TAF1: variants seen among roughly 807,000 people sequenced by gnomAD.
The protein encoded by TAF1 is TATA-box binding protein associated factor 1.
In TAF1, 2 loss-of-function variants were observed where a neutral mutation model predicts 138.5. That is an observed-to-expected ratio of 0.01 (90% CI 0.01 to 0.05). The LOEUF (loss-of-function observed/expected upper bound fraction) is 0.05, where lower values mean the gene tolerates loss of function less well. Among genes scored for constraint, TAF1 ranks in the 10% least tolerant of loss-of-function variants. The pLI, the probability that TAF1 is intolerant of heterozygous loss-of-function variation, is 1.00. For synonymous variants in TAF1, 437 were observed against 503.2 expected (o/e 0.87, Z 1.76); for missense variants, 709 against 1,478.0 (o/e 0.48, Z 8.53).
chrX:71,376,842 A>G (rs983276499), intron 4 of TAF1, 108 bp from the exon 5 acceptor site: 5 of 1,082,467 alleles, frequency 4.6e-6, no homozygotes, highest in East Asian at 3.0e-5. Context: ...GCTTGGGCCT[A>G]TATCTCCTGG....
At chrX:71,394,837 G>A (rs1333528455) in intron 22 of TAF1, among the ~76,000 whole-genome samples, 1 of 111,013 alleles carries the variant, frequency 9.0e-6, no homozygotes, top group Non-Finnish European at 1.9e-5. Flanking sequence ...AGCCTCCTGA[G>A]TAGCTGGGAC....
chrX:71,419,103 G>A (rs761325890), intron 28 of TAF1, among the ~76,000 whole-genome samples: 85 of 111,633 alleles, frequency 7.6e-4, no homozygotes, highest in African/African-American at 2.5e-3. Context: ...GTATTAACCC[G>A]ATGTTATTAG....
chrX:71,367,742 C>A, intron 2 of TAF1, 129 bp downstream of exon 2: 2 of 773,275 alleles, frequency 2.6e-6, no homozygotes, highest in Non-Finnish European at 3.7e-6. Context: ...GCGATCTGGG[C>A]TGACTGCAGC....
At chrX:71,433,245 A>G (rs1602657448) in intron 32 of TAF1, among the ~76,000 whole-genome samples, 1 of 112,420 alleles carries the variant, frequency 8.9e-6, no homozygotes, top group South Asian at 3.6e-4. Context: ...GGTGCAAACT[A>G]TTGGCACAAA....
At chrX:71,483,780 CTATA>C (rs1556022684) in intron 13 of TAF1, among the ~76,000 whole-genome samples, 22 of 37,570 alleles carry the variant, frequency 5.9e-4, no homozygotes, top group Non-Finnish European at 6.5e-4. Context: ...CTCTCTCTCT[CTATA>C]TATATATATA....
At chrX:71,405,887 A>T (rs192936967) in intron 25 of TAF1, among the ~76,000 whole-genome samples, 29 of 111,076 alleles carry the variant, frequency 2.6e-4, no homozygotes, top group African/African-American at 9.5e-4. Context: ...AAGAAGAAAA[A>T]ATGTGATACC....
intron 6 of TAF1, 178 bp downstream of exon 6, chrX:71,377,999 A>C (rs777443393): frequency 2.4e-4 from 166 of 690,722 alleles, no homozygotes; most frequent in Non-Finnish European, 3.1e-4. Flanking sequence ...TTGTAAAAGA[A>C]AAATGTTTGG....
At chrX:71,467,520 GATA>G (rs1249738749), downstream of TAF1, among the ~76,000 whole-genome samples, 3 of 112,019 alleles carry the variant, frequency 2.7e-5, no homozygotes, top group East Asian at 5.5e-4. Flanking sequence ...CCACTTCCAT[GATA>G]ATAATTTCTA....
Position 71,403,911 on chromosome X carries a change from CT to C in TAF1, c.3998+2186del, listed in dbSNP as rs34947744. On this transcript the variant is annotated intron_variant, in intron 25 of 37. Coordinates refer to ENST00000423759, the MANE Select transcript of TAF1 (RefSeq NM_004606.5). ...AAGCCAGATCCTGTGTTTTTTTTTT[CT>C]TTTTTTTTTTTTTAATGACCCTATA... is the stretch of plus-strand genomic sequence containing the variant. Among the ~76,000 whole-genome samples, 506 of 86,035 alleles carry C rather than the reference CT, an allele frequency of 5.9e-3. 1 individual carries two copies. Among genetic ancestry groups the C allele is most frequent in the African/African-American group, 0.013 (312 of 23,673 alleles). 74.7% of individuals were successfully genotyped at this position (86,035 alleles called of 115,157 possible).
intron 1 of TAF1, 36 bp from the exon 2 acceptor site, chrX:71,367,463 A>G: frequency 3.4e-6 from 4 of 1,193,749 alleles, no homozygotes; most frequent in Non-Finnish European, 3.4e-6. Flanking sequence ...TCGTAGGTTT[A>G]GTTGTTATCT....
intron 24 of TAF1, among the ~76,000 whole-genome samples, chrX:71,399,253 C>CTTTT (rs1159549890): frequency 2.8e-5 from 2 of 70,344 alleles, no homozygotes; most frequent in Admixed American, 1.7e-4. Flanking sequence ...CATTTATTCT[C>CTTTT]TTTTTTTTTT....
chrX:71,384,862 C>T lies in TAF1; in HGVS notation c.2122-83C>T, dbSNP rs1032196224. On this transcript the variant is annotated intron_variant, in intron 13 of 37. Coordinates refer to ENST00000423759, the MANE Select transcript of TAF1 (RefSeq NM_004606.5). Reference sequence around the variant, plus strand: ...AGCATTTTGGATGAGGGATACTCAACCTGTATTAGTAAAGTGCTATGGTCA... The same window carrying T: ...AGCATTTTGGATGAGGGATACTCAATCTGTATTAGTAAAGTGCTATGGTCA... 29 of 702,065 alleles carry T rather than the reference C, an allele frequency of 4.1e-5. No homozygotes were observed. The Admixed American group carries it at 9.8e-4, about 24-fold the overall frequency. The allele number at this position is 702,065 out of a possible 1,213,427, so 57.9% of individuals were successfully genotyped here.
At chrX:71,367,962 C>A in intron 2 of TAF1, 92 bp from the exon 3 acceptor site, 1 of 975,407 alleles carries the variant, frequency 1.0e-6, no homozygotes, top group Non-Finnish European at 1.4e-6. Flanking sequence ...TGAGCCACCG[C>A]ATCCAGCCTG....
intron 13 of TAF1, among the ~76,000 whole-genome samples, chrX:71,527,042 G>A (rs2040009725): frequency 9.2e-6 from 1 of 108,342 alleles, no homozygotes; most frequent in Non-Finnish European, 1.9e-5. Flanking sequence ...CAGCCTGGGT[G>A]ACAGGGTGAG....
chrX:71,367,469 T>A, intron 1 of TAF1, 30 bp from the exon 2 acceptor site: 1 of 1,201,941 alleles, frequency 8.3e-7, no homozygotes. Flanking sequence ...GTTTAGTTGT[T>A]ATCTTCGACT....
intron 13 of TAF1, among the ~76,000 whole-genome samples, chrX:71,472,538 C>T (rs1459157607): frequency 9.0e-6 from 1 of 110,551 alleles, no homozygotes; most frequent in Non-Finnish European, 1.9e-5. Context: ...TTGAGACCAG[C>T]CTGGCCAACA....
chrX:71,444,789 G>A (rs895761728), intron 32 of TAF1, among the ~76,000 whole-genome samples: 1 of 109,254 alleles, frequency 9.2e-6, no homozygotes, highest in Non-Finnish European at 1.9e-5. Context: ...CCGCTCTGTC[G>A]CCCAGGCTGG....
At chrX:71,407,214 ATT>A (rs1192482805) in intron 26 of TAF1, among the ~76,000 whole-genome samples, 13 of 80,920 alleles carry the variant, frequency 1.6e-4, no homozygotes, top group Admixed American at 1.4e-4. Flanking sequence ...TGCTCGGCAG[ATT>A]TTTTTTTTTT....
chrX:71,388,147 A>T (rs878998065), intron 15 of TAF1, 90 bp from the exon 16 acceptor site: 177 of 1,123,875 alleles, frequency 1.6e-4, no homozygotes, highest in Non-Finnish European at 2.0e-4. Context: ...GAAAGATGAA[A>T]ATACATTAGA....
Sources: allele counts gnomAD v4.1 joint callset (sites outside exome capture counted in the v4.1 genomes callset), GRCh38; gene constraint gnomAD v4.1.1; transcripts MANE v1.5; gene names NCBI Gene and HGNC (gene_info 2026-07-23, HGNC 2026-07-21).